The following GCNT1 variants were observed in gnomAD, a reference collection of about 807,000 sequenced individuals.
The protein encoded by GCNT1 is glucosaminyl (N-acetyl) transferase 1.
GCNT1 carries 16 observed loss-of-function variants against 26.2 expected under a neutral mutation model. That is an observed-to-expected ratio of 0.61 (90% CI 0.41 to 0.93). GCNT1 has a LOEUF of 0.93. Among genes scored for constraint, GCNT1 ranks in the 40% least tolerant of loss-of-function variants. GCNT1 has a pLI of 0.00. For missense variants in GCNT1, 477 were observed against 526.7 expected (o/e 0.91, Z 0.92); for synonymous variants, 183 against 190.8 (o/e 0.96, Z 0.34).
chr9:76,448,449 C>T (rs1823612393), intron 1 of GCNT1, among the ~76,000 whole-genome samples: 2 of 151,990 alleles, frequency 1.3e-5, no homozygotes, highest in South Asian at 2.1e-4. Context: ...ACGACCCCAC[C>T]TCAAAACAAC....
At chr9:76,471,957 A>G (rs1824141263) in intron 2 of GCNT1, among the ~76,000 whole-genome samples, 1 of 152,036 alleles carries the variant, frequency 6.6e-6, no homozygotes, top group African/African-American at 2.4e-5. Flanking sequence ...GTTCTCCCAC[A>G]TCAGCCTCCC....
chr9:76,437,489 A>G (rs1199065778), upstream of GCNT1, among the ~76,000 whole-genome samples: 1 of 152,174 alleles, frequency 6.6e-6, no homozygotes, highest in Non-Finnish European at 1.5e-5. Flanking sequence ...TAAAAAGGGG[A>G]GGCATGAATA....
chr9:76,497,695 G>A (rs959879128), intron 2 of GCNT1, among the ~76,000 whole-genome samples: 5 of 151,990 alleles, frequency 3.3e-5, no homozygotes, highest in Non-Finnish European at 2.9e-5. Context: ...GGATTTCGAG[G>A]TGACCCTTTC....
chr9:76,428,699 AT>A (rs5898475), intron 1 of GCNT1, among the ~76,000 whole-genome samples: 2,970 of 130,080 alleles, frequency 0.023, 71 homozygotes, highest in African/African-American at 0.074. Flanking sequence ...TGCGTATTCT[AT>A]TTTTTTTTTT....
intron 2 of GCNT1, among the ~76,000 whole-genome samples, chr9:76,472,582 CTCT>C (rs1277153846): frequency 6.6e-6 from 1 of 152,096 alleles, no homozygotes; most frequent in Admixed American, 6.5e-5. Flanking sequence ...TTGCCATATG[CTCT>C]TCTTGTAAGT....
chr9:76,486,873 C>T (rs1402400320), intron 2 of GCNT1, among the ~76,000 whole-genome samples: 1 of 152,014 alleles, frequency 6.6e-6, no homozygotes, highest in African/African-American at 2.4e-5. Flanking sequence ...GTCAGGAGTT[C>T]GAGACCAGCC....
At position 76,430,692 on chromosome 9, in the gene GCNT1, C is replaced by CT. The variant is rs201310451; in HGVS notation, n.38+10814dup. ...TGAGCCACTGCACCTGGTTAGTCCTCTTTTTTTTTGAGACCAAGTCTCACT... is the reference window on the plus strand; with the variant it reads ...TGAGCCACTGCACCTGGTTAGTCCTCTTTTTTTTTTGAGACCAAGTCTCACT... On this transcript the variant is annotated intron_variant and non_coding_transcript_variant, in intron 1 of 3. Coordinates refer to the GCNT1 transcript ENST00000488136. 6.3e-4 allele frequency among the ~76,000 whole-genome samples: 95 copies of CT among 151,082 alleles called. 2 individuals carry two copies. The South Asian group carries it at 0.019, about 30-fold the overall frequency.
chr9:76,495,391 T>G (rs1393357274), intron 2 of GCNT1, among the ~76,000 whole-genome samples: 1 of 152,142 alleles, frequency 6.6e-6, no homozygotes, highest in Non-Finnish European at 1.5e-5. Flanking sequence ...TTAAAGGTGG[T>G]GGGGACCCAA....
chr9:76,439,944 A>G (rs1823461414), upstream of GCNT1, among the ~76,000 whole-genome samples: 1 of 151,974 alleles, frequency 6.6e-6, no homozygotes, highest in Admixed American at 6.6e-5. Context: ...TACTAAAAAT[A>G]CAAAAAATTA....
At chr9:76,492,410 C>T (rs1824768206) in intron 2 of GCNT1, among the ~76,000 whole-genome samples, 2 of 151,928 alleles carry the variant, frequency 1.3e-5, no homozygotes. Context: ...GGTTACAGGC[C>T]ATCCCAGGAT....
intron 1 of GCNT1, among the ~76,000 whole-genome samples, chr9:76,452,041 T>C (rs1408619094): frequency 6.7e-6 from 1 of 149,910 alleles, no homozygotes; most frequent in Non-Finnish European, 1.5e-5. Context: ...TGATCTCGGC[T>C]TACTGCAACC....
chr9:76,457,403 C>T (rs540678173), upstream of GCNT1, among the ~76,000 whole-genome samples: 9 of 152,232 alleles, frequency 5.9e-5, no homozygotes, highest in South Asian at 4.1e-4. Flanking sequence ...CACACGCCAC[C>T]GCAGCTGGCT....
intron 2 of GCNT1, among the ~76,000 whole-genome samples, chr9:76,477,586 G>A (rs1021826711): frequency 3.3e-5 from 5 of 151,784 alleles, no homozygotes; most frequent in African/African-American, 1.2e-4. Flanking sequence ...CTGCTCTGAA[G>A]GTGCATCTAG....
chr9:76,441,292 C>T (rs942393968), upstream of GCNT1, among the ~76,000 whole-genome samples: 2 of 152,010 alleles, frequency 1.3e-5, no homozygotes, highest in African/African-American at 4.8e-5. Flanking sequence ...ACTACAGGTG[C>T]CCACCACCAT....
intron 2 of GCNT1, among the ~76,000 whole-genome samples, chr9:76,461,376 A>T (rs188386950): frequency 2.0e-5 from 3 of 151,356 alleles, no homozygotes; most frequent in African/African-American, 7.3e-5. Context: ...GTGGATCACG[A>T]GGTCAGGAGT....
intron 2 of GCNT1, among the ~76,000 whole-genome samples, chr9:76,464,109 T>C (rs1381726348): frequency 6.6e-6 from 1 of 150,880 alleles, no homozygotes; most frequent in Non-Finnish European, 1.5e-5. Flanking sequence ...GTGAAGTACA[T>C]TAGGGGATAA....
chr9:76,441,398 G>A (rs747581045), upstream of GCNT1, among the ~76,000 whole-genome samples: 19 of 152,074 alleles, frequency 1.2e-4, no homozygotes, highest in Non-Finnish European at 1.9e-4. Context: ...TGCCTGCCTC[G>A]GCCTCTCAAA....
At chr9:76,416,597 TG>T (rs1225206525), upstream of GCNT1, among the ~76,000 whole-genome samples, 1 of 152,028 alleles carries the variant, frequency 6.6e-6, no homozygotes, top group Non-Finnish European at 1.5e-5. Context: ...GGGGTTTGAG[TG>T]GGGGGCTGAG....
chr9:76,394,880 G>A, the GCNT1 span, among the ~76,000 whole-genome samples: 2 of 152,188 alleles, frequency 1.3e-5, no homozygotes, highest in Non-Finnish European at 2.9e-5. Flanking sequence ...CCAAAATTCA[G>A]CTCAAAGATC....
Sources: allele counts gnomAD v4.1 joint callset (sites outside exome capture counted in the v4.1 genomes callset), GRCh38; gene constraint gnomAD v4.1.1; transcripts MANE v1.5; gene names NCBI Gene and HGNC (gene_info 2026-07-23, HGNC 2026-07-21).